The following PDGFC variants were observed in gnomAD, a reference collection of about 807,000 sequenced individuals.
PDGFC encodes platelet derived growth factor C, also known as platelet-derived growth factor C.
Under a neutral mutation model 35.5 loss-of-function variants are expected in PDGFC, and 12 were observed. The observed-to-expected ratio is 0.34, with a 90% CI of 0.22 to 0.55. The LOEUF is 0.55. Ranked by LOEUF, PDGFC falls within the 20% of genes least tolerant of loss-of-function variation. The pLI is 0.91. For synonymous variants in PDGFC, 159 were observed against 148.8 expected (o/e 1.07, Z -0.50); for missense variants, 322 against 412.4 (o/e 0.78, Z 1.90).
At position 156,761,137 on chromosome 4, in the gene PDGFC, C is replaced by G. The variant is rs1730365731; in HGVS notation, c.*1953G>C. On this transcript the variant is annotated 3_prime_UTR_variant, in exon 6 of 6. Coordinates refer to ENST00000502773, the MANE Select transcript of PDGFC (RefSeq NM_016205.3). ...GGCCCTGGACACTAGACATCTCTGC[C>G]AAGTTGAAAGGCTGAGGAAAGGATG... 2 of 152,180 alleles carry G rather than the reference C, an allele frequency of 1.3e-5. No homozygotes were observed. The highest frequency in any genetic ancestry group is 1.3e-4 in the Admixed American group (2 of 15,266). The allele number at this position is 152,180 out of a possible 1,614,324, so 9.4% of individuals were successfully genotyped here.
At chr4:156,914,099 C>A (rs533694434) in intron 1 of PDGFC, among the ~76,000 whole-genome samples, 32 of 151,874 alleles carry the variant, frequency 2.1e-4, no homozygotes, top group Non-Finnish European at 3.7e-4. Context: ...GATTTTTGAT[C>A]TTCCAAACAT....
intron 2 of PDGFC, among the ~76,000 whole-genome samples, chr4:156,831,863 T>C (rs1010175252): frequency 5.3e-5 from 8 of 152,136 alleles, no homozygotes; most frequent in African/African-American, 1.7e-4. Context: ...ATATCAATCA[T>C]CCTTCATCTT....
chr4:156,764,968 T>C (rs1381370281), intron 5 of PDGFC, among the ~76,000 whole-genome samples: 1 of 152,136 alleles, frequency 6.6e-6, no homozygotes, highest in East Asian at 1.9e-4. Context: ...AGGTAAAGAT[T>C]AGAGAGGCCA....
intron 1 of PDGFC, among the ~76,000 whole-genome samples, chr4:156,860,554 C>T (rs769522730): frequency 3.3e-5 from 5 of 151,936 alleles, no homozygotes; most frequent in South Asian, 2.1e-4. Flanking sequence ...ACACCTGACA[C>T]GGGGCGCGGA....
intron 2 of PDGFC, among the ~76,000 whole-genome samples, chr4:156,826,259 C>G (rs1189531843): frequency 1.6e-5 from 2 of 125,724 alleles, no homozygotes; most frequent in Non-Finnish European, 3.2e-5. Context: ...GTGGTGTGAT[C>G]TCGGCTCACT....
At chr4:156,963,591 C>T (rs1345931223) in intron 1 of PDGFC, among the ~76,000 whole-genome samples, 1 of 152,048 alleles carries the variant, frequency 6.6e-6, no homozygotes, top group East Asian at 1.9e-4. Flanking sequence ...GTGAAGCCAG[C>T]CTGGCAAAGA....
At chr4:156,931,329 G>T (rs1392351214) in intron 1 of PDGFC, among the ~76,000 whole-genome samples, 1 of 152,138 alleles carries the variant, frequency 6.6e-6, no homozygotes, top group African/African-American at 2.4e-5. Context: ...GTGCCTCCAA[G>T]CTACAGGACA....
chr4:156,917,748 C>T (rs1280047017), intron 1 of PDGFC, among the ~76,000 whole-genome samples: 3 of 152,222 alleles, frequency 2.0e-5, no homozygotes, highest in Admixed American at 6.5e-5. Context: ...ATGAGTTACA[C>T]TCAACCGAAT....
intron 1 of PDGFC, among the ~76,000 whole-genome samples, chr4:156,858,347 T>C (rs1729631109): frequency 6.6e-6 from 1 of 152,032 alleles, no homozygotes. Flanking sequence ...GGAAGAAAAA[T>C]AAGCAATAAT....
chr4:156,813,087 C>A (rs950969052), intron 2 of PDGFC, among the ~76,000 whole-genome samples: 1 of 151,734 alleles, frequency 6.6e-6, no homozygotes, highest in African/African-American at 2.4e-5. Context: ...GTGTGTGGTT[C>A]GGGGATGGTG....
chr4:156,835,433 A>G (rs1729040142), intron 2 of PDGFC, among the ~76,000 whole-genome samples: 1 of 152,198 alleles, frequency 6.6e-6, no homozygotes, highest in Non-Finnish European at 1.5e-5. Flanking sequence ...TTAAACTTTT[A>G]TATTTTAAAA....
In PDGFC at chr4:156,772,955, A is replaced by G. The variant is rs557731711; in HGVS notation, c.496-62T>C. ...AAACGACAATGTATTCCTTCTGGAC[A>G]TATGCAAGAAATTATAAAGACTGAG... On this transcript the variant is annotated intron_variant, in intron 3 of 5. Coordinates refer to ENST00000502773, the MANE Select transcript of PDGFC (RefSeq NM_016205.3). 5.5e-6 allele frequency: 6 copies of G among 1,092,368 alleles called. No homozygotes were observed. In the East Asian group the frequency reaches 1.2e-4, roughly 22 times the overall value. 67.7% of individuals were successfully genotyped at this position (1,092,368 alleles called of 1,614,324 possible). A position where few individuals can be genotyped will look rare whatever the true frequency, so the allele number is the denominator to read the frequency against.
intron 4 of PDGFC, chr4:156,770,083 G>A (rs909124399): frequency 1.4e-4 from 22 of 151,944 alleles, no homozygotes; most frequent in Non-Finnish European, 2.9e-4. Flanking sequence ...CACAATAAAA[G>A]GTTAGACAGA....
chr4:156,787,431 G>A (rs1731158689), intron 3 of PDGFC, among the ~76,000 whole-genome samples: 1 of 152,126 alleles, frequency 6.6e-6, no homozygotes, highest in Non-Finnish European at 1.5e-5. Flanking sequence ...GACAAATGAT[G>A]AGGCAAAAAA....
At chr4:156,923,481 A>C (rs2110850148) in intron 1 of PDGFC, among the ~76,000 whole-genome samples, 1 of 152,334 alleles carries the variant, frequency 6.6e-6, no homozygotes, top group South Asian at 2.1e-4. Flanking sequence ...TTACTTCAAA[A>C]CAATTCTAAT....
chr4:156,889,906 A>C (rs1199507445), intron 1 of PDGFC, among the ~76,000 whole-genome samples: 6 of 152,204 alleles, frequency 3.9e-5, no homozygotes, highest in Non-Finnish European at 7.3e-5. Flanking sequence ...GAATAAAAAA[A>C]TGTTGAATGG....
chr4:156,839,625 G>A (rs1405834389), intron 2 of PDGFC, among the ~76,000 whole-genome samples: 1 of 152,148 alleles, frequency 6.6e-6, no homozygotes, highest in African/African-American at 2.4e-5. Flanking sequence ...TCGGAACTGG[G>A]TAACAGGCAG....
At chr4:156,825,599 GAAGAA>G (rs1732440095) in intron 2 of PDGFC, among the ~76,000 whole-genome samples, 5 of 94,000 alleles carry the variant, frequency 5.3e-5, no homozygotes, top group African/African-American at 2.2e-4. Flanking sequence ...ATAATAAGAA[GAAGAA>G]GAAGAAGAAG....
chr4:156,885,878 T>A (rs1730364879), intron 1 of PDGFC, among the ~76,000 whole-genome samples: 1 of 151,004 alleles, frequency 6.6e-6, no homozygotes, highest in Non-Finnish European at 1.5e-5. Flanking sequence ...CAAGATCTTG[T>A]CCAAATAAAT....
Sources: allele counts gnomAD v4.1 joint callset (sites outside exome capture counted in the v4.1 genomes callset), GRCh38; gene constraint gnomAD v4.1.1; transcripts MANE v1.5; gene names NCBI Gene and HGNC (gene_info 2026-07-23, HGNC 2026-07-21).